The following SLC23A2 variants were observed in gnomAD, a reference collection of about 807,000 sequenced individuals.
The protein encoded by SLC23A2 is Na(+)/L-ascorbic acid transporter 2.
SLC23A2 carries 36 observed loss-of-function variants against 73.3 expected under a neutral mutation model. The ratio of observed to expected loss-of-function variants is 0.49; its 90% CI spans 0.38 to 0.65. The LOEUF is 0.65. Among genes scored for constraint, SLC23A2 ranks in the 30% least tolerant of loss-of-function variants. SLC23A2 has a pLI of 0.00. For missense variants in SLC23A2, 507 were observed against 841.6 expected (o/e 0.60, Z 4.92); for synonymous variants, 343 against 327.3 (o/e 1.05, Z -0.52).
intron 1 of SLC23A2, among the ~76,000 whole-genome samples, chr20:4,982,595 T>C (rs2748899): frequency 0.47 from 71,166 of 151,916 alleles, 17,076 homozygotes; most frequent in Admixed American, 0.54. Context: ...GGACTCCCAC[T>C]ACCCCATTTC....
intron 2 of SLC23A2, among the ~76,000 whole-genome samples, chr20:4,951,128 A>C (rs1190168461): frequency 6.6e-6 from 1 of 152,256 alleles, no homozygotes; most frequent in African/African-American, 2.4e-5. Flanking sequence ...CTAACATCAG[A>C]GAAGATTTGT....
intron 11 of SLC23A2, 94 bp downstream of exon 11, chr20:4,873,842 A>G: frequency 7.9e-7 from 1 of 1,263,272 alleles, no homozygotes; most frequent in Non-Finnish European, 1.1e-6. Flanking sequence ...TTCAGGAGAC[A>G]GTCTGGGACA....
intron 2 of SLC23A2, among the ~76,000 whole-genome samples, chr20:4,948,291 C>T (rs2087147821): frequency 6.6e-6 from 1 of 152,214 alleles, no homozygotes; most frequent in South Asian, 2.1e-4. Flanking sequence ...CCTAACTACC[C>T]AATTACGCCT....
At chr20:4,976,507 C>T (rs2087646430) in intron 1 of SLC23A2, among the ~76,000 whole-genome samples, 1 of 151,660 alleles carries the variant, frequency 6.6e-6, no homozygotes, top group Non-Finnish European at 1.5e-5. Context: ...GAAACCCCAT[C>T]ACTACTAAAA....
intron 11 of SLC23A2, 122 bp downstream of exon 11, chr20:4,873,814 G>T: frequency 1.0e-6 from 1 of 972,844 alleles, no homozygotes; most frequent in Non-Finnish European, 1.5e-6. Flanking sequence ...ATCCTCTCCT[G>T]ACCAGAATGG....
At chr20:4,905,177 C>T (rs931406902) in intron 4 of SLC23A2, among the ~76,000 whole-genome samples, 10 of 150,090 alleles carry the variant, frequency 6.7e-5, no homozygotes, top group African/African-American at 2.2e-4. Flanking sequence ...GATGTACACA[C>T]AGGCGCATGT....
intron 2 of SLC23A2, among the ~76,000 whole-genome samples, chr20:4,941,518 C>CA (rs1031823902): frequency 6.6e-6 from 1 of 151,972 alleles, no homozygotes; most frequent in Non-Finnish European, 1.5e-5. Flanking sequence ...GCCTGGCCAA[C>CA]ATGGTGAAAC....
intron 2 of SLC23A2, among the ~76,000 whole-genome samples, chr20:4,969,187 A>C (rs1444884200): frequency 6.6e-6 from 1 of 151,740 alleles, no homozygotes; most frequent in East Asian, 1.9e-4. Flanking sequence ...TCCCAGGTTC[A>C]AGCGATTCTC....
intron 2 of SLC23A2, among the ~76,000 whole-genome samples, chr20:4,969,725 T>C (rs868355341): frequency 1.3e-5 from 2 of 151,904 alleles, no homozygotes; most frequent in Admixed American, 1.3e-4. Flanking sequence ...GCTGGGACTA[T>C]AGGCGTGCAC....
At chr20:4,870,788 G>A (rs1930418849) in intron 11 of SLC23A2, among the ~76,000 whole-genome samples, 1 of 152,150 alleles carries the variant, frequency 6.6e-6, no homozygotes, top group African/African-American at 2.4e-5. Flanking sequence ...GACATCAAGT[G>A]AAAAGGCAGT....
intron 3 of SLC23A2, among the ~76,000 whole-genome samples, chr20:4,925,389 TTA>T (rs1932634577): frequency 6.6e-6 from 1 of 152,182 alleles, no homozygotes; most frequent in Admixed American, 6.5e-5. Context: ...CTTCACAGAA[TTA>T]GTGACCAGCT....
chr20:4,911,787 GA>G (rs1281927997), intron 4 of SLC23A2, among the ~76,000 whole-genome samples: 3 of 151,596 alleles, frequency 2.0e-5, no homozygotes, highest in East Asian at 3.9e-4. Context: ...CAGATACAAA[GA>G]AAAAAAGAAA....
chr20:5,006,513 C>A (rs1448190438), intron 1 of SLC23A2, among the ~76,000 whole-genome samples: 4 of 151,916 alleles, frequency 2.6e-5, no homozygotes, highest in African/African-American at 4.8e-5. Context: ...TTCCTATCAT[C>A]AAATTGATGG....
In SLC23A2 at chr20:4,885,926, C is replaced by A; in HGVS notation, c.483-17G>T. On this transcript the variant is annotated splice_polypyrimidine_tract_variant and intron_variant, in intron 6 of 16. Coordinates refer to ENST00000338244, the MANE Select transcript of SLC23A2 (RefSeq NM_005116.6). ...AGGGGTAACCTAAAAGAAACGAGAC[C>A]AAAACCATGATCACGGCATCGGGAA... 1 of 1,580,732 alleles carries A rather than the reference C, an allele frequency of 6.3e-7. No homozygotes were observed. The highest frequency in any genetic ancestry group is 8.7e-7 in the Non-Finnish European group (1 of 1,153,252).
intron 1 of SLC23A2, among the ~76,000 whole-genome samples, chr20:4,990,768 AG>A (rs1740803092): frequency 6.6e-6 from 1 of 151,304 alleles, no homozygotes; most frequent in Admixed American, 6.6e-5. Flanking sequence ...GGATCGCTAG[AG>A]GTCAAGAGTT....
intron 4 of SLC23A2, among the ~76,000 whole-genome samples, chr20:4,907,979 G>A (rs1401611286): frequency 6.6e-6 from 1 of 152,110 alleles, no homozygotes; most frequent in Non-Finnish European, 1.5e-5. Flanking sequence ...AGGAGCACAA[G>A]GAAGAACAGA....
intron 3 of SLC23A2, among the ~76,000 whole-genome samples, chr20:4,915,318 T>C (rs1932285641): frequency 6.6e-6 from 1 of 152,232 alleles, no homozygotes; most frequent in African/African-American, 2.4e-5. Flanking sequence ...TGTATTTGTG[T>C]TATTTGTATA....
chr20:4,916,486 G>T (rs577263724), intron 3 of SLC23A2, among the ~76,000 whole-genome samples: 1 of 152,180 alleles, frequency 6.6e-6, no homozygotes, highest in African/African-American at 2.4e-5. Flanking sequence ...AACACTGTGA[G>T]TGTATTAAAA....
intron 1 of SLC23A2, among the ~76,000 whole-genome samples, chr20:4,983,799 A>T (rs1600202630): frequency 6.6e-6 from 1 of 151,728 alleles, no homozygotes; most frequent in Non-Finnish European, 1.5e-5. Context: ...TCTACTAAAA[A>T]TACAAAATTA....
Sources: gnomAD v4.1 joint callset for allele counts (sites outside exome capture counted in the v4.1 genomes callset) on GRCh38, gnomAD v4.1.1 for gene constraint, MANE v1.5 for transcripts, NCBI Gene and HGNC (gene_info 2026-07-23, HGNC 2026-07-21) for gene names.